The following ADGRL2 variants were observed in gnomAD, a reference collection of about 807,000 sequenced individuals.
The protein encoded by ADGRL2 is calcium-independent alpha-latrotoxin receptor 2.
Under a neutral mutation model 157.4 loss-of-function variants are expected in ADGRL2, and 44 were observed. The observed-to-expected ratio is 0.28, with a 90% CI of 0.22 to 0.36. The LOEUF (loss-of-function observed/expected upper bound fraction) is 0.36, where lower values mean the gene tolerates loss of function less well. ADGRL2 is among the 10% of genes least tolerant of loss of function. The pLI is 1.00. For synonymous variants in ADGRL2, 585 were observed against 624.7 expected, an observed-to-expected ratio of 0.94 and a Z score of 0.95; for missense variants, 1,510 against 1,768.9, an observed-to-expected ratio of 0.85 and a Z score of 2.63.
intron 2 of ADGRL2, chr1:81,501,691 A>T: frequency 6.3e-7 from 1 of 1,578,686 alleles, no homozygotes; most frequent in Non-Finnish European, 8.6e-7. Context: ...TGCCCCGCAC[A>T]GGTTTAGACC....
intron 2 of ADGRL2, among the ~76,000 whole-genome samples, chr1:81,454,141 C>T (rs2077754741): frequency 1.3e-5 from 2 of 150,968 alleles, no homozygotes; most frequent in African/African-American, 2.4e-5. Context: ...ATTATTGGCT[C>T]AGTCTTGAAC....
At position 81,943,011 on chromosome 1, in the gene ADGRL2, C is replaced by G. The variant is rs1648617071; in HGVS notation, c.452C>G (p.Pro151Arg). ...PGTLKAIVDS[P>R]CIYEAEQKAG... is the part of the protein sequence containing the mutation. ...ACCTTGAAAGCAATTGTGGACTCAC[C>G]ATGTATATATGAAGCTGAACAAAAG... The change falls in exon 6 of 24, where the codon CCA (proline) becomes CGA (arginine). Residue 151 changes from proline (P) to arginine (R), a missense_variant. Physicochemically the swap from Pro to Arg is moderately radical, Grantham distance 103. Around this residue, in one of 4 missense-constraint regions of ADGRL2, gnomAD observed 361 missense variants for 498.4 expected, o/e 0.72. Transcript: ENST00000686636. This position sits in a 1 kb window ranked among gnomAD's most constrained non-coding sequence, Gnocchi z 5.6. 9 of 1,613,032 alleles carry G rather than the reference C, an allele frequency of 5.6e-6. No homozygotes were observed. Among genetic ancestry groups the G allele is most frequent in the Non-Finnish European group, 7.6e-6 (9 of 1,179,348 alleles).
chr1:81,504,380 C>A (rs1219194387), intron 2 of ADGRL2, among the ~76,000 whole-genome samples: 4 of 152,174 alleles, frequency 2.6e-5, no homozygotes, highest in African/African-American at 9.7e-5. Context: ...CATCCCCACA[C>A]GTGCCGATGT....
At chr1:81,547,518 G>C (rs551427610) in intron 2 of ADGRL2, among the ~76,000 whole-genome samples, 1 of 152,080 alleles carries the variant, frequency 6.6e-6, no homozygotes, top group Admixed American at 6.5e-5. Flanking sequence ...GGCATTTCCC[G>C]ACTTCTTCCT....
chr1:81,952,450 T>C (rs1652136501), intron 9 of ADGRL2, among the ~76,000 whole-genome samples: 1 of 152,132 alleles, frequency 6.6e-6, no homozygotes, highest in East Asian at 1.9e-4. Context: ...AGATTATATG[T>C]TATACAGTTG....
chr1:81,679,642 GC>G (rs1338884697), intron 3 of ADGRL2, among the ~76,000 whole-genome samples: 1 of 152,122 alleles, frequency 6.6e-6, no homozygotes, highest in Non-Finnish European at 1.5e-5. Context: ...CTCAACCTTT[GC>G]TATACTAGGT....
intron 4 of ADGRL2, among the ~76,000 whole-genome samples, chr1:81,939,870 A>C (rs1161699645): frequency 6.6e-6 from 1 of 151,332 alleles, no homozygotes; most frequent in Admixed American, 6.6e-5. Flanking sequence ...TTTTTGTTGT[A>C]AAGAGCAATG....
chr1:81,355,034 A>T (rs1468295452), intron 1 of ADGRL2, among the ~76,000 whole-genome samples: 3 of 152,196 alleles, frequency 2.0e-5, no homozygotes, highest in Admixed American at 2.0e-4. Flanking sequence ...CTCTCTGTAA[A>T]GCTCTTTGCT....
intron 2 of ADGRL2, among the ~76,000 whole-genome samples, chr1:81,872,781 A>G (rs1243063157): frequency 6.6e-6 from 1 of 152,144 alleles, no homozygotes; most frequent in African/African-American, 2.4e-5. Context: ...TTTAAGGACT[A>G]ATACATAAAC....
intron 3 of ADGRL2, among the ~76,000 whole-genome samples, chr1:81,922,285 A>G (rs980880887): frequency 2.6e-5 from 4 of 152,158 alleles, no homozygotes; most frequent in Non-Finnish European, 2.9e-5. Flanking sequence ...ACTCTGTAAC[A>G]TGGAGCATGT....
At position 81,991,290 on chromosome 1, in the gene ADGRL2, G is replaced by A. The variant is rs1558067645; in HGVS notation, c.*145G>A. Reference sequence around the variant, plus strand: ...GGTGTAAAAAAGATGACTGAACCTTGCAGTTCTGTGAATTTTTATAAAACA... The same window carrying A: ...GGTGTAAAAAAGATGACTGAACCTTACAGTTCTGTGAATTTTTATAAAACA... On this transcript the variant is annotated 3_prime_UTR_variant, in exon 24 of 24. Transcript: ENST00000686636. 1.5e-6 allele frequency: 1 copy of A among 665,460 alleles called. No individual in the cohort carries two copies. The highest frequency in any genetic ancestry group is 2.5e-6 in the Non-Finnish European group (1 of 403,244). The allele number at this position is 665,460 out of a possible 1,614,324, so 41.2% of individuals were successfully genotyped here. A position where few individuals can be genotyped will look rare whatever the true frequency, so the allele number is the denominator to read the frequency against.
intron 1 of ADGRL2, among the ~76,000 whole-genome samples, chr1:81,757,636 C>T (rs1484333559): frequency 6.6e-6 from 1 of 152,210 alleles, no homozygotes; most frequent in Admixed American, 6.5e-5. Context: ...ACTGGAGTCT[C>T]TGTGAATCTG....
At chr1:81,455,000 G>A (rs1359812583) in intron 2 of ADGRL2, among the ~76,000 whole-genome samples, 1 of 152,152 alleles carries the variant, frequency 6.6e-6, no homozygotes, top group African/African-American at 2.4e-5. Flanking sequence ...CCAAAGATCC[G>A]TTAGATGACC....
intron 1 of ADGRL2, among the ~76,000 whole-genome samples, chr1:81,390,599 G>T (rs1458352185): frequency 6.6e-6 from 1 of 152,190 alleles, no homozygotes; most frequent in African/African-American, 2.4e-5. Context: ...TCAATTTATT[G>T]CATATTCTTC....
intron 2 of ADGRL2, among the ~76,000 whole-genome samples, chr1:81,899,924 T>C (rs2151602510): frequency 6.6e-6 from 1 of 152,308 alleles, no homozygotes; most frequent in African/African-American, 2.4e-5. Flanking sequence ...AACGATGTTC[T>C]TTACAACTCT....
In ADGRL2 at chr1:81,984,616, T is replaced by C; in HGVS notation, c.3316T>C (p.Ser1106Pro). 1 of 1,612,292 alleles carries C rather than the reference T, an allele frequency of 6.2e-7. No individual in the cohort carries two copies. The highest frequency in any genetic ancestry group is 1.1e-5 in the South Asian group (1 of 90,966). Reference protein sequence around the residue: ...RKEYGKCFRHSYCCGGLPTES... With the variant: ...RKEYGKCFRHPYCCGGLPTES... ...AGAATATGGCAAGTGCTTCAGACAC[T>C]CATACTGCTGTGGAGGCCTCCCAAC... The change falls in exon 20 of 24, where the codon TCA (serine) becomes CCA (proline). Residue 1106 changes from serine to proline, a missense_variant. Around this residue, in one of 4 missense-constraint regions of ADGRL2, gnomAD observed 497 missense variants for 627.2 expected, o/e 0.79. Transcript: ENST00000686636.
At chr1:81,533,404 C>T (rs2079653584) in intron 2 of ADGRL2, among the ~76,000 whole-genome samples, 2 of 151,930 alleles carry the variant, frequency 1.3e-5, no homozygotes, top group South Asian at 2.1e-4. Flanking sequence ...TAAAAATGGA[C>T]TCTAACATAG....
chr1:81,446,845 T>C (rs1036433849), intron 2 of ADGRL2, among the ~76,000 whole-genome samples: 3 of 152,194 alleles, frequency 2.0e-5, no homozygotes, highest in Non-Finnish European at 2.9e-5. Flanking sequence ...TAAGTGGAGA[T>C]ATCATTTGTT....
intron 2 of ADGRL2, among the ~76,000 whole-genome samples, chr1:81,839,943 A>T (rs28446541): frequency 2.1e-5 from 3 of 142,226 alleles, no homozygotes; most frequent in African/African-American, 7.9e-5. Context: ...ATATATATAT[A>T]ATATATATAT....
Sources: allele counts gnomAD v4.1 joint callset (sites outside exome capture counted in the v4.1 genomes callset), GRCh38; gene constraint gnomAD v4.1.1; regional missense constraint gnomAD v4.1.1; non-coding constraint Gnocchi (gnomAD v3.1); transcripts MANE v1.5; gene names NCBI Gene and HGNC (gene_info 2026-07-23, HGNC 2026-07-21).